MNDA: variants seen among roughly 807,000 people sequenced by gnomAD.
MNDA encodes the protein epididymis secretory sperm binding protein.
MNDA carries 43 observed loss-of-function variants against 37.8 expected under a neutral mutation model. That is an observed-to-expected ratio of 1.14 (90% CI 0.89 to 1.47). The LOEUF (loss-of-function observed/expected upper bound fraction) is 1.47, where lower values mean the gene tolerates loss of function less well. Ranked by LOEUF, MNDA falls within the 40% of genes most tolerant of loss-of-function variation. MNDA has a pLI of 0.00. For synonymous variants in MNDA, 181 were observed against 169.0 expected (o/e 1.07, Z -0.55); for missense variants, 536 against 476.0 (o/e 1.13, Z -1.17).
At chr1:158,832,778 C>G (rs1440916663) in intron 1 of MNDA, among the ~76,000 whole-genome samples, 1 of 151,994 alleles carries the variant, frequency 6.6e-6, no homozygotes. Context: ...CTTTCTCAAA[C>G]TTAAGTGAAC....
In MNDA at chr1:158,844,068, T is replaced by A; in HGVS notation, c.516T>A (p.His172Gln). The change falls in exon 4 of 7, where the codon CAT becomes CAA. Residue 172 changes from histidine to glutamine, a missense_variant. Transcript: ENST00000368141. Reference protein sequence around the residue: ...SGASTSAAVDHPPLPQTSSST... With the variant: ...SGASTSAAVDQPPLPQTSSST... Reference sequence around the variant, plus strand: ...CCAGCACATCTGCAGCTGTGGATCATCCCCCACTACCCCAGACCTCATCAT... The same window carrying A: ...CCAGCACATCTGCAGCTGTGGATCAACCCCCACTACCCCAGACCTCATCAT... 1 of 1,613,078 alleles carries A rather than the reference T, an allele frequency of 6.2e-7. No individual in the cohort carries two copies. The highest frequency in any genetic ancestry group is 1.1e-5 in the South Asian group (1 of 91,012).
At chr1:158,834,440 T>C (rs1036849199) in intron 1 of MNDA, among the ~76,000 whole-genome samples, 1 of 151,988 alleles carries the variant, frequency 6.6e-6, no homozygotes, top group Non-Finnish European at 1.5e-5. Flanking sequence ...ACCGTGTTTA[T>C]CAATTTTTAT....
intron 2 of MNDA, among the ~76,000 whole-genome samples, chr1:158,843,008 T>G (rs1659062445): frequency 6.6e-6 from 1 of 152,162 alleles, no homozygotes; most frequent in Non-Finnish European, 1.5e-5. Flanking sequence ...AAGGGTTGAT[T>G]GAGGCACATG....
chr1:158,843,844 A>G (rs1161833798), intron 3 of MNDA, 111 bp from the exon 4 acceptor site: 6 of 930,076 alleles, frequency 6.5e-6, no homozygotes, highest in Non-Finnish European at 9.5e-6. Flanking sequence ...GTTTCCAAGG[A>G]CATCCCATCC....
chr1:158,833,929 T>G (rs1454823423), intron 1 of MNDA, among the ~76,000 whole-genome samples: 1 of 152,174 alleles, frequency 6.6e-6, no homozygotes, highest in Non-Finnish European at 1.5e-5. Flanking sequence ...AGAATCATAT[T>G]TTTTTCATAG....
intron 6 of MNDA, among the ~76,000 whole-genome samples, chr1:158,848,577 T>G (rs1659189314): frequency 6.6e-6 from 1 of 152,168 alleles, no homozygotes; most frequent in Non-Finnish European, 1.5e-5. Context: ...GAAGTGTGGC[T>G]TTTTCAAAAG....
In MNDA at chr1:158,842,166, T is replaced by C; in HGVS notation, c.13T>C (p.Tyr5His). MVNE[Y>H]KKILLLKGFE... ...TATAACATCAGAAATGGTGAATGAA[T>C]ACAAGAAAATTCTTTTGCTGAAAGG... The change falls in exon 2 of 7, where the codon TAC becomes CAC. Residue 5 changes from tyrosine (Y) to histidine (H), a missense_variant. Transcript: ENST00000368141. 2 of 1,610,642 alleles carry C rather than the reference T, an allele frequency of 1.2e-6. No individual in the cohort carries two copies. The highest frequency in any genetic ancestry group is 2.2e-5 in the East Asian group (1 of 44,848).
chr1:158,847,580 C>A, intron 5 of MNDA, 148 bp from the exon 6 acceptor site: 1 of 567,270 alleles, frequency 1.8e-6, no homozygotes, highest in South Asian at 3.8e-5. Flanking sequence ...AAAAGATGGA[C>A]CCTGTGAGAT....
At chr1:158,835,614 G>T (rs1388181414) in intron 1 of MNDA, among the ~76,000 whole-genome samples, 3 of 62,424 alleles carry the variant, frequency 4.8e-5, no homozygotes, top group African/African-American at 1.2e-4. Flanking sequence ...CCTATTTTTG[G>T]TGGGGGCGGG....
chr1:158,834,964 C>T (rs1190193618), intron 1 of MNDA, among the ~76,000 whole-genome samples: 2 of 152,142 alleles, frequency 1.3e-5, no homozygotes, highest in Non-Finnish European at 2.9e-5. Flanking sequence ...TATCATATTC[C>T]ATTGTTCTTT....
chr1:158,837,148 T>C (rs2102046186), intron 1 of MNDA, among the ~76,000 whole-genome samples: 1 of 152,026 alleles, frequency 6.6e-6, no homozygotes, highest in African/African-American at 2.4e-5. Context: ...TTCCATATGT[T>C]CGTGTGAAAA....
At position 158,848,994 on chromosome 1, in the gene MNDA, G is replaced by A. The variant is rs141855527; in HGVS notation, c.1177-196G>A. Among the ~76,000 whole-genome samples, 4 of 152,256 alleles carry A rather than the reference G, an allele frequency of 2.6e-5. No homozygotes were observed. The East Asian group carries it at 5.8e-4, about 22-fold the overall frequency. On this transcript the variant is annotated intron_variant, in intron 6 of 6. Transcript: ENST00000368141. The stretch of plus-strand genomic sequence containing the variant: ...TTCAGGAAGGAAAAAGACAAACAGA[G>A]ATTAGTTAATGGGGGGAAAATGAGT...
At chr1:158,837,813 C>A (rs1658948804) in intron 1 of MNDA, among the ~76,000 whole-genome samples, 1 of 148,822 alleles carries the variant, frequency 6.7e-6, no homozygotes, top group Admixed American at 6.7e-5. Context: ...TTAGTGACTT[C>A]TTTTTGTTGA....
At chr1:158,840,621 C>T (rs548846906) in intron 1 of MNDA, among the ~76,000 whole-genome samples, 1 of 152,286 alleles carries the variant, frequency 6.6e-6, no homozygotes, top group East Asian at 1.9e-4. Context: ...CCGCACAAAT[C>T]TTTTCATCCT....
At chr1:158,841,335 C>A (rs56088733) in intron 1 of MNDA, among the ~76,000 whole-genome samples, 1 of 152,116 alleles carries the variant, frequency 6.6e-6, no homozygotes, top group Non-Finnish European at 1.5e-5. Flanking sequence ...AATCAAAACT[C>A]ATTGAAGGAT....
Position 158,845,721 on chromosome 1 carries a change from G to A in MNDA, c.705G>A (p.Met235Ile), listed in dbSNP as rs1182755773. ...YESPENGKST[M>I]FHATVASKTQ... The stretch of plus-strand genomic sequence containing the variant: ...CCCCAGAAAATGGGAAAAGCACAAT[G>A]TTTCATGCTACAGTGGCCAGTAAGA... Residue 235 changes from methionine (M) to isoleucine (I), a missense_variant, in exon 5 of 7, where the codon ATG becomes ATA. Physicochemically the swap from Met to Ile is conservative, Grantham distance 10. Transcript: ENST00000368141. 1.4e-5 allele frequency: 22 copies of A among 1,614,008 alleles called. No homozygotes were observed. The highest frequency in any genetic ancestry group is 2.2e-5 in the South Asian group (2 of 91,082).
At chr1:158,842,538 G>T (rs867117475) in intron 2 of MNDA, 120 bp downstream of exon 2, 1 of 1,079,950 alleles carries the variant, frequency 9.3e-7, no homozygotes, top group East Asian at 2.4e-5. Context: ...GCAGTCATGG[G>T]GATGTTGGCA....
At chr1:158,842,040 T>C (rs986557304) in intron 1 of MNDA, 94 bp from the exon 2 acceptor site, 58 of 1,078,244 alleles carry the variant, frequency 5.4e-5, no homozygotes, top group Admixed American at 5.4e-4. Flanking sequence ...AAGGACAACA[T>C]TTTGGCCTGG....
Position 158,842,306 on chromosome 1 carries a change from G to A in MNDA, c.153G>A (p.Leu51=). ...ACAACAGAATTAAGATTACAGATTT[G>A]ATGGAAAAAAAGTTCCAAGGCGTTG... ...EEYNRIKITD[L]MEKKFQGVAC... is the part of the protein sequence containing the mutation. Residue 51 remains leucine (L), a synonymous_variant, in exon 2 of 7, where the codon TTG becomes TTA. Coordinates refer to ENST00000368141, the MANE Select transcript of MNDA (RefSeq NM_002432.3). 3 of 1,614,108 alleles carry A rather than the reference G, an allele frequency of 1.9e-6. No homozygotes were observed. The highest frequency in any genetic ancestry group is 2.5e-6 in the Non-Finnish European group (3 of 1,179,992).
Sources: gnomAD v4.1 joint callset for allele counts (sites outside exome capture counted in the v4.1 genomes callset) on GRCh38, gnomAD v4.1.1 for gene constraint, MANE v1.5 for transcripts, NCBI Gene and HGNC (gene_info 2026-07-23, HGNC 2026-07-21) for gene names.